Variants in PDE10A observed in about 807,000 individuals in gnomAD.
PDE10A encodes phosphodiesterase 10A, also known as cAMP and cAMP-inhibited cGMP 3',5'-cyclic phosphodiesterase 10A.
Under a neutral mutation model 97.7 loss-of-function variants are expected in PDE10A, and 39 were observed. The ratio of observed to expected loss-of-function variants is 0.40; its 90% CI spans 0.31 to 0.52. The LOEUF (loss-of-function observed/expected upper bound fraction) is 0.52. Ranked by LOEUF, PDE10A falls within the 20% of genes least tolerant of loss-of-function variation. The pLI is 0.56. For synonymous variants in PDE10A, 371 were observed against 376.8 expected (o/e 0.98, Z 0.18); for missense variants, 731 against 1,047.8 (o/e 0.70, Z 4.17).
chr6:165,604,106 T>G (rs1787095738), intron 1 of PDE10A, among the ~76,000 whole-genome samples: 1 of 152,184 alleles, frequency 6.6e-6, no homozygotes, highest in Non-Finnish European at 1.5e-5. Flanking sequence ...GTCTAAAAAT[T>G]AGGTTCCATC....
chr6:165,721,998 G>T (rs1302999463), intron 1 of PDE10A, among the ~76,000 whole-genome samples: 2 of 152,248 alleles, frequency 1.3e-5, no homozygotes, highest in Admixed American at 6.5e-5. Context: ...CAAAAGCTAA[G>T]GATTCCAAGG....
chr6:165,763,026 A>G (rs759966567), intron 1 of PDE10A, among the ~76,000 whole-genome samples: 3 of 152,250 alleles, frequency 2.0e-5, no homozygotes, highest in Non-Finnish European at 2.9e-5. Context: ...AATTGGCCAC[A>G]GACTAATACA....
At chr6:165,818,042 G>T (rs997052104) in intron 1 of PDE10A, among the ~76,000 whole-genome samples, 1 of 152,182 alleles carries the variant, frequency 6.6e-6, no homozygotes, top group East Asian at 1.9e-4. Flanking sequence ...CTCTCTGAGC[G>T]AAGCAAGCTG....
chr6:165,839,899 C>CTG (rs1161952696), intron 1 of PDE10A, among the ~76,000 whole-genome samples: 16 of 61,944 alleles, frequency 2.6e-4, no homozygotes, highest in South Asian at 5.5e-4. Context: ...ATCCCCATTC[C>CTG]CATCTCCAAC....
intron 1 of PDE10A, among the ~76,000 whole-genome samples, chr6:165,716,057 T>C (rs1792018884): frequency 6.6e-6 from 1 of 152,198 alleles, no homozygotes; most frequent in Non-Finnish European, 1.5e-5. Context: ...GGAGCTGTTC[T>C]GAGAGAAAGA....
Position 165,329,911 on chromosome 6 carries a change from GA to G in PDE10A, c.*3113del, listed in dbSNP as rs1466090365. ...TAGAGAGAAGTACAGCTGGGAAATG[GA>G]CCAGAGTCTCTGCCCTATTAATAGG... On this transcript the variant is annotated 3_prime_UTR_variant, in exon 22 of 22. Coordinates refer to ENST00000539869, the MANE Select transcript of PDE10A (RefSeq NM_001385079.1). 6.6e-6 allele frequency: 1 copy of G among 152,114 alleles called. No homozygotes were observed. Among genetic ancestry groups the G allele is most frequent in the Non-Finnish European group, 1.5e-5 (1 of 68,022 alleles). The allele number at this position is 152,114 out of a possible 1,614,324, so 9.4% of individuals were successfully genotyped here. A position where few individuals can be genotyped will look rare whatever the true frequency, so the allele number is the denominator to read the frequency against.
chr6:165,583,774 C>T (rs116741083), intron 1 of PDE10A, among the ~76,000 whole-genome samples: 3 of 152,102 alleles, frequency 2.0e-5, no homozygotes, highest in Non-Finnish European at 4.4e-5. Context: ...TGTATGATAC[C>T]GTTTCTCCCA....
intron 1 of PDE10A, among the ~76,000 whole-genome samples, chr6:165,657,094 G>T (rs1019747014): frequency 6.6e-6 from 1 of 152,214 alleles, no homozygotes; most frequent in Non-Finnish European, 1.5e-5. Context: ...ATGTGTGTCA[G>T]CCACTGTTAA....
Position 165,628,394 on chromosome 6 carries a change from T to TA in PDE10A, c.865+33552dup, listed in dbSNP as rs751907121. 7.9e-5 allele frequency among the ~76,000 whole-genome samples: 12 copies of TA among 152,050 alleles called. No homozygotes were observed. In the East Asian group the frequency reaches 1.2e-3, roughly 15 times the overall value. On this transcript the variant is annotated intron_variant, in intron 1 of 21. Transcript: ENST00000539869. ...AGAGGTAGAGTCTTGCTCTGCTGCC[T>TA]AGGCTAGAGGGCAGTGACACGATCA...
At chr6:165,471,831 AC>A (rs757099090) in intron 3 of PDE10A, among the ~76,000 whole-genome samples, 1 of 151,826 alleles carries the variant, frequency 6.6e-6, no homozygotes, top group Non-Finnish European at 1.5e-5. Context: ...CTTGCCAATC[AC>A]CCCTGGCAAT....
At chr6:165,338,586 T>A (rs1781783666) in intron 20 of PDE10A, among the ~76,000 whole-genome samples, 1 of 152,192 alleles carries the variant, frequency 6.6e-6, no homozygotes, top group African/African-American at 2.4e-5. Flanking sequence ...TGTACTAAAA[T>A]ACTAAGCATT....
At chr6:165,690,216 C>T (rs994047739) in intron 1 of PDE10A, among the ~76,000 whole-genome samples, 3 of 152,174 alleles carry the variant, frequency 2.0e-5, no homozygotes, top group Non-Finnish European at 2.9e-5. Flanking sequence ...GCCCGAACTC[C>T]GCTCAGTCAA....
intron 1 of PDE10A, among the ~76,000 whole-genome samples, chr6:165,767,597 G>A (rs886153608): frequency 6.6e-6 from 1 of 152,198 alleles, no homozygotes; most frequent in Non-Finnish European, 1.5e-5. Context: ...AAGAGTCATC[G>A]ATGCTGTGGC....
intron 3 of PDE10A, among the ~76,000 whole-genome samples, chr6:165,458,052 A>T (rs184554623): frequency 6.6e-6 from 1 of 152,212 alleles, no homozygotes; most frequent in Admixed American, 6.5e-5. Context: ...ATTTAACAGC[A>T]TAAAAAGGAG....
chr6:165,818,847 C>A (rs1267977994), intron 1 of PDE10A, among the ~76,000 whole-genome samples: 1 of 152,220 alleles, frequency 6.6e-6, no homozygotes, highest in Non-Finnish European at 1.5e-5. Context: ...ACCCTGCTTA[C>A]TTCAGCTGTG....
chr6:165,842,796 G>A (rs1226440869), intron 1 of PDE10A, among the ~76,000 whole-genome samples: 2 of 152,192 alleles, frequency 1.3e-5, no homozygotes, highest in African/African-American at 2.4e-5. Flanking sequence ...TCATGCCTCC[G>A]AAGTTACAGA....
intron 1 of PDE10A, among the ~76,000 whole-genome samples, chr6:165,968,930 C>G (rs1784592856): frequency 6.6e-6 from 1 of 152,188 alleles, no homozygotes; most frequent in Admixed American, 6.5e-5. Context: ...ATGCAGCTCT[C>G]TGTTGGTACC....
At chr6:165,648,358 TGAG>T (rs1274615670) in intron 1 of PDE10A, among the ~76,000 whole-genome samples, 2 of 151,634 alleles carry the variant, frequency 1.3e-5, no homozygotes, top group African/African-American at 2.4e-5. Context: ...TGTTTCTTAC[TGAG>T]AAGTCATAAA....
chr6:165,715,306 TTAA>T (rs1791999066), intron 1 of PDE10A, among the ~76,000 whole-genome samples: 1 of 152,236 alleles, frequency 6.6e-6, no homozygotes, highest in Non-Finnish European at 1.5e-5. Context: ...TTAAAAATGT[TTAA>T]TAATAAGATA....
Sources: allele counts gnomAD v4.1 joint callset (sites outside exome capture counted in the v4.1 genomes callset), GRCh38; gene constraint gnomAD v4.1.1; transcripts MANE v1.5; gene names NCBI Gene and HGNC (gene_info 2026-07-23, HGNC 2026-07-21).